BABAM2: variants seen among roughly 807,000 people sequenced by gnomAD.
BABAM2 encodes BRISC and BRCA1 A complex member 2.
Under a neutral mutation model 54.7 loss-of-function variants are expected in BABAM2, and 31 were observed. That is an observed-to-expected ratio of 0.57 (90% CI 0.43 to 0.77). BABAM2 has a LOEUF of 0.77. BABAM2 is among the 30% of genes least tolerant of loss of function. The probability of loss-of-function intolerance (pLI) is 0.00; values close to 1 mark genes in which losing one functional copy is unlikely to be tolerated. For missense variants in BABAM2, 364 were observed against 455.8 expected (o/e 0.80, Z 1.83); for synonymous variants, 167 against 162.9 (o/e 1.03, Z -0.19).
intron 11 of BABAM2, among the ~76,000 whole-genome samples, chr2:28,323,684 CT>C (rs1019474632): frequency 6.6e-5 from 10 of 152,182 alleles, no homozygotes; most frequent in African/African-American, 2.4e-4. Flanking sequence ...GTTACCTCCC[CT>C]GTGACAGCAA....
chr2:28,269,401 A>G (rs1685235461), intron 10 of BABAM2, among the ~76,000 whole-genome samples: 1 of 152,232 alleles, frequency 6.6e-6, no homozygotes, highest in African/African-American at 2.4e-5. Flanking sequence ...TTCTAGGGAA[A>G]TGGACTGGGG....
chr2:27,936,288 T>C (rs1668481193), intron 3 of BABAM2, among the ~76,000 whole-genome samples: 2 of 152,134 alleles, frequency 1.3e-5, no homozygotes, highest in Non-Finnish European at 2.9e-5. Context: ...GATTAAAAAG[T>C]CAGGAAACAA....
chr2:28,171,626 G>A (rs1358438532), intron 7 of BABAM2, among the ~76,000 whole-genome samples: 2 of 152,140 alleles, frequency 1.3e-5, no homozygotes, highest in Non-Finnish European at 2.9e-5. Flanking sequence ...GAAATCCATT[G>A]TGTTCTGATT....
At chr2:28,281,802 A>G (rs1686385522) in intron 10 of BABAM2, among the ~76,000 whole-genome samples, 1 of 152,218 alleles carries the variant, frequency 6.6e-6, no homozygotes, top group Non-Finnish European at 1.5e-5. Context: ...TTGTCTGTGA[A>G]TGGGATGGTA....
At chr2:28,259,074 CTTTTTTTTTTTTTTT>C (rs70956009) in intron 10 of BABAM2, among the ~76,000 whole-genome samples, 313 of 23,452 alleles carry the variant, frequency 0.013, 6 homozygotes, top group African/African-American at 0.051. Context: ...TGCACCTGGC[CTTTTTTTTTTTTTTT>C]TTTTTTTTTT....
At chr2:28,018,899 G>A (rs1675045271) in intron 4 of BABAM2, among the ~76,000 whole-genome samples, 1 of 152,030 alleles carries the variant, frequency 6.6e-6, no homozygotes, top group Non-Finnish European at 1.5e-5. Context: ...TTGTTATATA[G>A]GTATATATGA....
intron 6 of BABAM2, among the ~76,000 whole-genome samples, chr2:28,079,691 T>C (rs1664994001): frequency 6.6e-6 from 1 of 152,204 alleles, no homozygotes; most frequent in South Asian, 2.1e-4. Flanking sequence ...TTACATTGTA[T>C]GGATTTACAG....
chr2:27,939,633 G>A (rs949792723), intron 3 of BABAM2, among the ~76,000 whole-genome samples: 5 of 152,176 alleles, frequency 3.3e-5, no homozygotes, highest in Admixed American at 2.0e-4. Flanking sequence ...CAGGAAGAAT[G>A]TACAGTCATT....
chr2:28,107,801 A>G (rs1489141557), intron 6 of BABAM2, among the ~76,000 whole-genome samples: 1 of 152,208 alleles, frequency 6.6e-6, no homozygotes, highest in Non-Finnish European at 1.5e-5. Flanking sequence ...GTAGATCCTT[A>G]GTGCCTTTAG....
chr2:28,065,464 T>C (rs1229564074), intron 6 of BABAM2, among the ~76,000 whole-genome samples: 1 of 152,100 alleles, frequency 6.6e-6, no homozygotes, highest in South Asian at 2.1e-4. Context: ...TAATATCGCC[T>C]CTGTTATTCT....
intron 2 of BABAM2, among the ~76,000 whole-genome samples, chr2:27,918,541 C>T (rs1442772421): frequency 6.6e-6 from 1 of 152,010 alleles, no homozygotes; most frequent in Non-Finnish European, 1.5e-5. Context: ...TGGATGGACA[C>T]TTGGATTGCT....
At chr2:28,057,494 CA>C (rs1678522594) in intron 6 of BABAM2, among the ~76,000 whole-genome samples, 2 of 151,922 alleles carry the variant, frequency 1.3e-5, no homozygotes, top group Admixed American at 1.3e-4. Flanking sequence ...TACAGGTGAC[CA>C]TTTTTTTTTT....
At chr2:28,071,336 A>T (rs1461907991) in intron 6 of BABAM2, among the ~76,000 whole-genome samples, 1 of 152,096 alleles carries the variant, frequency 6.6e-6, no homozygotes, top group African/African-American at 2.4e-5. Flanking sequence ...ATTTACTTGT[A>T]GTTTCCCACA....
At chr2:28,093,188 T>C (rs1327638944) in intron 6 of BABAM2, among the ~76,000 whole-genome samples, 1 of 152,178 alleles carries the variant, frequency 6.6e-6, no homozygotes, top group Non-Finnish European at 1.5e-5. Flanking sequence ...GAGTATTTTT[T>C]ATGCTCATCC....
chr2:28,090,012 C>G (rs1666024476), intron 6 of BABAM2, among the ~76,000 whole-genome samples: 1 of 152,034 alleles, frequency 6.6e-6, no homozygotes, highest in Non-Finnish European at 1.5e-5. Context: ...TCTGTGTCCT[C>G]AGACAAGTTA....
At chr2:28,278,758 A>T (rs1048107175) in intron 10 of BABAM2, among the ~76,000 whole-genome samples, 16 of 152,290 alleles carry the variant, frequency 1.1e-4, no homozygotes, top group African/African-American at 3.1e-4. Context: ...TTCCTGATGG[A>T]GACCAATCAG....
intron 6 of BABAM2, among the ~76,000 whole-genome samples, chr2:28,102,849 A>T (rs1048478312): frequency 1.3e-5 from 2 of 152,182 alleles, no homozygotes; most frequent in Non-Finnish European, 2.9e-5. Context: ...GCCCTCTCTG[A>T]CACAGTACTA....
At chr2:27,964,626 GAAC>G (rs1348165512) in intron 3 of BABAM2, among the ~76,000 whole-genome samples, 2 of 152,122 alleles carry the variant, frequency 1.3e-5, no homozygotes, top group Non-Finnish European at 2.9e-5. Context: ...CACAGTGTAG[GAAC>G]AACATTAGGG....
intron 7 of BABAM2, among the ~76,000 whole-genome samples, chr2:28,157,811 A>G (rs1672693009): frequency 6.6e-6 from 1 of 152,068 alleles, no homozygotes; most frequent in Non-Finnish European, 1.5e-5. Flanking sequence ...GGGTTTCACC[A>G]TGTTGGCCAG....
Sources: gnomAD v4.1 joint callset for allele counts (sites outside exome capture counted in the v4.1 genomes callset) on GRCh38, gnomAD v4.1.1 for gene constraint, MANE v1.5 for transcripts, NCBI Gene and HGNC (gene_info 2026-07-23, HGNC 2026-07-21) for gene names.